Variants in HSD17B4 observed in about 807,000 individuals in gnomAD.
HSD17B4 encodes the protein peroxisomal multifunctional enzyme type 2.
A neutral mutation model predicts 101.0 loss-of-function variants in HSD17B4; 70 were observed. That is an observed-to-expected ratio of 0.69 (90% confidence interval 0.57 to 0.85). HSD17B4 has a LOEUF of 0.85. Among genes scored for constraint, HSD17B4 ranks in the 40% least tolerant of loss-of-function variants. HSD17B4 has a pLI of 0.00. For synonymous variants in HSD17B4, 347 were observed against 297.1 expected, an observed-to-expected ratio of 1.17 and a Z score of -1.73; for missense variants, 984 against 892.4, an observed-to-expected ratio of 1.10 and a Z score of -1.31.
At chr5:119,501,154 GTTT>G (rs1751124638) in intron 13 of HSD17B4, among the ~76,000 whole-genome samples, 1 of 151,978 alleles carries the variant, frequency 6.6e-6, no homozygotes, top group Non-Finnish European at 1.5e-5. Context: ...TAAAACAAAT[GTTT>G]CAAAATTCCC....
intron 1 of HSD17B4, 54 bp from the exon 2 acceptor site, chr5:119,456,261 A>C: frequency 7.7e-7 from 1 of 1,290,382 alleles, no homozygotes; most frequent in Non-Finnish European, 1.1e-6. Context: ...TGAGCGGACC[A>C]AAAAAATTAT....
intron 9 of HSD17B4, among the ~76,000 whole-genome samples, chr5:119,489,606 A>G (rs1749915314): frequency 6.6e-6 from 1 of 152,264 alleles, no homozygotes; most frequent in Admixed American, 6.5e-5. Flanking sequence ...CAACCAGGCC[A>G]GATTTTGAAT....
intron 10 of HSD17B4, chr5:119,492,740 T>C (rs1324466274): frequency 6.6e-6 from 1 of 152,040 alleles, no homozygotes; most frequent in East Asian, 1.9e-4. Context: ...ATATTTTAAA[T>C]AGTTAAATAG....
chr5:119,514,158 C>T (rs1371167952), intron 16 of HSD17B4, among the ~76,000 whole-genome samples: 1 of 152,184 alleles, frequency 6.6e-6, no homozygotes, highest in Non-Finnish European at 1.5e-5. Flanking sequence ...TGAAAAACGG[C>T]AGCCTGACTT....
At chr5:119,453,853 T>G (rs1026786516) in intron 1 of HSD17B4, among the ~76,000 whole-genome samples, 1 of 152,256 alleles carries the variant, frequency 6.6e-6, no homozygotes, top group African/African-American at 2.4e-5. Context: ...TTGTAAATAA[T>G]GTATTTTACA....
chr5:119,500,409 G>C (rs1181849020), intron 13 of HSD17B4, among the ~76,000 whole-genome samples: 1 of 151,818 alleles, frequency 6.6e-6, no homozygotes, highest in African/African-American at 2.4e-5. Context: ...ATTATGTATA[G>C]TGTATTTAAT....
intron 16 of HSD17B4, 35 bp downstream of exon 16, chr5:119,509,279 A>G (rs764123326): frequency 3.3e-6 from 4 of 1,199,546 alleles, no homozygotes; most frequent in Non-Finnish European, 5.0e-6. Flanking sequence ...ATATATGTGT[A>G]GTTAAGGATT....
chr5:119,529,974 C>T lies in HSD17B4; in HGVS notation c.1848C>T (p.Pro616=). ...APTSGTSAKT[P]SEGGKLQSTF... Reference sequence around the variant, plus strand: ...CATCTGGTACTTCAGCTAAGACACCCTCTGAGGTAGGTTATAAAAATTAGT... The same window carrying T: ...CATCTGGTACTTCAGCTAAGACACCTTCTGAGGTAGGTTATAAAAATTAGT... The change falls in exon 21 of 24, where the codon CCC becomes CCT. Residue 616 remains proline, a synonymous_variant. Coordinates refer to ENST00000510025, the MANE Select transcript of HSD17B4 (RefSeq NM_000414.4). 2 of 1,588,448 alleles carry T rather than the reference C, an allele frequency of 1.3e-6. No homozygotes were observed. Among genetic ancestry groups the T allele is most frequent in the Middle Eastern group, 3.3e-4 (2 of 6,016 alleles).
At chr5:119,494,070 ATTTTC>A in intron 11 of HSD17B4, 124 bp downstream of exon 11, 4 of 924,964 alleles carry the variant, frequency 4.3e-6, no homozygotes, top group Non-Finnish European at 7.0e-6. Flanking sequence ...TCTATAGCAT[ATTTTC>A]TGCTCTAGTA....
intron 13 of HSD17B4, among the ~76,000 whole-genome samples, chr5:119,500,427 G>C (rs544040691): frequency 2.0e-5 from 3 of 151,974 alleles, no homozygotes; most frequent in African/African-American, 7.2e-5. Flanking sequence ...AATATGTATA[G>C]TAATTACATA....
chr5:119,456,715 C>G (rs1185578006), intron 2 of HSD17B4: 2 of 290,608 alleles, frequency 6.9e-6, no homozygotes, highest in African/African-American at 4.4e-5. Flanking sequence ...CCACTGCACT[C>G]CAATCTGGGT....
chr5:119,516,753 T>A (rs1196978662), intron 17 of HSD17B4, among the ~76,000 whole-genome samples: 1 of 152,360 alleles, frequency 6.6e-6, no homozygotes, highest in East Asian at 1.9e-4. Flanking sequence ...AGAAGTGTCA[T>A]CTATTGTCAA....
chr5:119,502,441 T>C (rs1488041210), intron 14 of HSD17B4, among the ~76,000 whole-genome samples: 2 of 152,182 alleles, frequency 1.3e-5, no homozygotes, highest in African/African-American at 4.8e-5. Flanking sequence ...TATTTATCTT[T>C]ATACTGATTT....
intron 6 of HSD17B4, chr5:119,476,720 C>G: frequency 2.0e-6 from 2 of 985,240 alleles, no homozygotes; most frequent in Non-Finnish European, 2.4e-6. Flanking sequence ...TGCAACGGGA[C>G]TGAGGTATTT....
Position 119,474,111 on chromosome 5 carries a change from A to T in HSD17B4, c.220+96A>T, listed in dbSNP as rs28590215. 8.8e-3 allele frequency: 6,942 copies of T among 787,866 alleles called. 53 individuals are homozygous for T. Among genetic ancestry groups the T allele is most frequent in the African/African-American group, 0.023 (1,334 of 57,880 alleles). 48.8% of individuals were successfully genotyped at this position (787,866 alleles called of 1,614,324 possible). The stretch of plus-strand genomic sequence containing the variant: ...TGAGCAAATATCTCAGTATTCCAGT[A>T]TAATTATGATTTTCTAAGTCTGCCA... On this transcript the variant is annotated intron_variant, in intron 3 of 23. Transcript: ENST00000510025.
chr5:119,516,531 T>G (rs2126840102), intron 17 of HSD17B4, among the ~76,000 whole-genome samples: 1 of 152,338 alleles, frequency 6.6e-6, no homozygotes, highest in South Asian at 2.1e-4. Flanking sequence ...AAGACGGTTT[T>G]TAAATCAACA....
intron 22 of HSD17B4, 145 bp from the exon 23 acceptor site, chr5:119,536,278 G>A (rs1580723094): frequency 8.1e-6 from 6 of 742,754 alleles, no homozygotes; most frequent in African/African-American, 1.8e-5. Context: ...GACAGATAAT[G>A]TATAATTGAT....
chr5:119,497,619 C>T (rs138539404), intron 12 of HSD17B4, among the ~76,000 whole-genome samples: 1 of 152,142 alleles, frequency 6.6e-6, no homozygotes, highest in East Asian at 1.9e-4. Context: ...AGGCTTTAAA[C>T]CTCTATGTTG....
intron 1 of HSD17B4, among the ~76,000 whole-genome samples, chr5:119,455,485 C>G (rs1336798298): frequency 1.3e-5 from 2 of 151,748 alleles, no homozygotes; most frequent in Admixed American, 6.6e-5. Flanking sequence ...CCACTGCACT[C>G]CAGCCTGGGC....
Sources: allele counts gnomAD v4.1 joint callset (sites outside exome capture counted in the v4.1 genomes callset), GRCh38; gene constraint gnomAD v4.1.1; transcripts MANE v1.5; gene names NCBI Gene and HGNC (gene_info 2026-07-23, HGNC 2026-07-21).